Variants in DGUOK observed in about 807,000 individuals in gnomAD.
DGUOK encodes the protein deoxyguanosine kinase, also known as deoxyguanosine kinase, mitochondrial.
In DGUOK, 30 loss-of-function variants were observed where a neutral mutation model predicts 36.6. The observed-to-expected ratio is 0.82, with a 90% CI of 0.61 to 1.11. The LOEUF is 1.11. Among genes scored for constraint, DGUOK ranks in the 50% most tolerant of loss-of-function variants. The pLI is 0.00. For missense variants in DGUOK, 361 were observed against 336.4 expected (o/e 1.07, Z -0.57); for synonymous variants, 145 against 126.3 (o/e 1.15, Z -0.99).
chr2:73,927,952 C>T (rs1469918118), intron 1 of DGUOK, among the ~76,000 whole-genome samples: 3 of 152,124 alleles, frequency 2.0e-5, no homozygotes, highest in Non-Finnish European at 4.4e-5. Context: ...TATGCCAGCA[C>T]TGTTCTTGGC....
intron 1 of DGUOK, among the ~76,000 whole-genome samples, chr2:73,929,507 G>A (rs563978531): frequency 6.6e-6 from 1 of 152,328 alleles, no homozygotes; most frequent in South Asian, 2.1e-4. Context: ...GACTGGAGCT[G>A]TAAATGTAGG....
At chr2:73,957,556 A>C (rs921802706) in intron 5 of DGUOK, among the ~76,000 whole-genome samples, 1 of 152,070 alleles carries the variant, frequency 6.6e-6, no homozygotes, top group Non-Finnish European at 1.5e-5. Context: ...CGCCTGTAAT[A>C]CCAGCTACTC....
At chr2:73,957,286 CA>C in intron 5 of DGUOK, 46 bp downstream of exon 5, 1 of 1,454,858 alleles carries the variant, frequency 6.9e-7, no homozygotes, top group Non-Finnish European at 9.6e-7. Flanking sequence ...ACCTGGCTCC[CA>C]ACAGCCAGTT....
intron 3 of DGUOK, among the ~76,000 whole-genome samples, chr2:73,948,190 C>T (rs1283307238): frequency 6.6e-5 from 10 of 152,282 alleles, no homozygotes; most frequent in South Asian, 2.1e-4. Context: ...CCATGCCTCT[C>T]GGACTCCGAA....
chr2:73,946,806 T>C lies in DGUOK; in HGVS notation c.343T>C (p.Phe115Leu), dbSNP rs764457214. 6.2e-6 allele frequency: 10 copies of C among 1,614,092 alleles called. No homozygotes were observed. In the Admixed American group the frequency reaches 1.3e-4, roughly 22 times the overall value. The change falls in exon 3 of 7, where the codon TTT becomes CTT. Residue 115 changes from phenylalanine to leucine, a missense_variant. By Grantham distance (22) the Phe-to-Leu change is conservative. Transcript: ENST00000264093. ...GTCCTACACATTCCAGACATTTTCC[T>C]TTTTGAGCCGCCTGAAAGTACAGCT... Reference protein sequence around the residue: ...RWSYTFQTFSFLSRLKVQLEP... With the variant: ...RWSYTFQTFSLLSRLKVQLEP...
At chr2:73,939,161 CAT>C in intron 2 of DGUOK, 139 bp downstream of exon 2, 1 of 690,630 alleles carries the variant, frequency 1.4e-6, no homozygotes. Flanking sequence ...AAGCAGACCA[CAT>C]ACACCAGAGA....
At chr2:73,958,124 C>A in intron 5 of DGUOK, 22 bp from the exon 6 acceptor site, 8 of 1,598,350 alleles carry the variant, frequency 5.0e-6, no homozygotes, top group Non-Finnish European at 6.9e-6. Flanking sequence ...TTCTGTCCCC[C>A]AAACGTTCAC....
rs138034585 is a variant in DGUOK at position 73,938,965 on chromosome 2, C to A, written c.198C>A (p.His66Gln). Residue 66 changes from histidine to glutamine, a missense_variant, in exon 2 of 7, where the codon CAC (histidine) becomes CAA (glutamine). Transcript: ENST00000264093. Reference protein sequence around the residue: ...KLLTKTYPEWHVATEPVATWQ... With the variant: ...KLLTKTYPEWQVATEPVATWQ... ...TCACGAAAACTTACCCAGAATGGCA[C>A]GTAGCTACAGAACCTGTAGCAACAT... 3.7e-5 allele frequency: 60 copies of A among 1,614,032 alleles called. No homozygotes were observed. In the African/African-American group the frequency reaches 6.9e-4, roughly 19 times the overall value.
chr2:73,936,615 C>A (rs937936995), intron 1 of DGUOK, among the ~76,000 whole-genome samples: 6 of 152,216 alleles, frequency 3.9e-5, no homozygotes, highest in African/African-American at 1.4e-4. Flanking sequence ...TGCCCCCCTT[C>A]TTTCCCTTGA....
chr2:73,943,046 C>G (rs1322871587), intron 2 of DGUOK, among the ~76,000 whole-genome samples: 3 of 152,076 alleles, frequency 2.0e-5, no homozygotes, highest in Non-Finnish European at 4.4e-5. Context: ...TCATGATGTA[C>G]TATTCCATTA....
chr2:73,941,779 T>C (rs1390617384), intron 2 of DGUOK, among the ~76,000 whole-genome samples: 5 of 152,310 alleles, frequency 3.3e-5, no homozygotes, highest in South Asian at 4.1e-4. Flanking sequence ...TTTTGTTCTT[T>C]AGTGAATTGC....
chr2:73,934,369 A>G (rs1312680942), intron 1 of DGUOK, among the ~76,000 whole-genome samples: 3 of 152,202 alleles, frequency 2.0e-5, no homozygotes, highest in African/African-American at 7.2e-5. Context: ...CAATATAACA[A>G]CAGAGAACAC....
rs549000466 is a variant in DGUOK at position 73,927,499 on chromosome 2, A to G, written c.142+447A>G. 3.3e-5 allele frequency among the ~76,000 whole-genome samples: 5 copies of G among 152,360 alleles called. 2 individuals are homozygous for G. The highest frequency in any genetic ancestry group is 3.3e-4 in the Admixed American group (5 of 15,308). On this transcript the variant is annotated intron_variant, in intron 1 of 6. Transcript: ENST00000264093. ...TTTGGGACATCCTTACAGCAAAACA[A>G]CAACGAAATCACTCATTGAAAGTTC...
intron 1 of DGUOK, among the ~76,000 whole-genome samples, chr2:73,928,415 A>G (rs1391907793): frequency 1.3e-5 from 2 of 152,248 alleles, no homozygotes; most frequent in Non-Finnish European, 2.9e-5. Flanking sequence ...GGCGTTAGCC[A>G]CTGCACCTGG....
At chr2:73,932,436 T>C (rs1681119739) in intron 1 of DGUOK, among the ~76,000 whole-genome samples, 1 of 152,290 alleles carries the variant, frequency 6.6e-6, no homozygotes, top group African/African-American at 2.4e-5. Context: ...CATCTTTGTA[T>C]TGCTGACACC....
intron 2 of DGUOK, among the ~76,000 whole-genome samples, chr2:73,943,746 T>G (rs1401706781): frequency 6.6e-6 from 1 of 151,754 alleles, no homozygotes; most frequent in Non-Finnish European, 1.5e-5. Context: ...GCCTCCCAGG[T>G]TCAAGCGATT....
At chr2:73,937,189 C>G (rs1478899387) in intron 1 of DGUOK, among the ~76,000 whole-genome samples, 2 of 152,186 alleles carry the variant, frequency 1.3e-5, no homozygotes, top group South Asian at 2.1e-4. Context: ...GGTCTTAGCT[C>G]AGATGTCACT....
intron 1 of DGUOK, among the ~76,000 whole-genome samples, chr2:73,932,206 T>C (rs144184243): frequency 8.0e-4 from 121 of 152,192 alleles, no homozygotes; most frequent in African/African-American, 2.9e-3. Flanking sequence ...TGATGCGAAG[T>C]GGAATGGGAG....
chr2:73,933,925 G>A (rs1002419098), intron 1 of DGUOK, among the ~76,000 whole-genome samples: 16 of 151,986 alleles, frequency 1.1e-4, no homozygotes, highest in Non-Finnish European at 2.4e-4. Context: ...TTTTTTGGAA[G>A]GACTTTTTAA....
Sources: allele counts gnomAD v4.1 joint callset (sites outside exome capture counted in the v4.1 genomes callset), GRCh38; gene constraint gnomAD v4.1.1; transcripts MANE v1.5; gene names NCBI Gene and HGNC (gene_info 2026-07-23, HGNC 2026-07-21).